CLIP1: variants seen among roughly 807,000 people sequenced by gnomAD.
CLIP1 encodes the protein CAP-Gly domain containing linker protein 1.
A neutral mutation model predicts 161.6 loss-of-function variants in CLIP1; 66 were observed. That is an observed-to-expected ratio of 0.41 (90% CI 0.33 to 0.50). CLIP1 has a LOEUF of 0.50. Among genes scored for constraint, CLIP1 ranks in the 20% least tolerant of loss-of-function variants. The pLI, the probability that CLIP1 is intolerant of heterozygous loss-of-function variation, is 0.27. For synonymous variants in CLIP1, 598 were observed against 626.2 expected (o/e 0.96, Z 0.67); for missense variants, 1,376 against 1,702.0 (o/e 0.81, Z 3.37).
intron 20 of CLIP1, among the ~76,000 whole-genome samples, chr12:122,292,415 T>C (rs1950285451): frequency 6.6e-6 from 1 of 152,216 alleles, no homozygotes; most frequent in Non-Finnish European, 1.5e-5. Context: ...ATTTGGTCAG[T>C]GGGAGCTTCT....
intron 20 of CLIP1, among the ~76,000 whole-genome samples, chr12:122,308,402 T>C (rs369483318): frequency 1.3e-5 from 2 of 152,234 alleles, no homozygotes; most frequent in Non-Finnish European, 2.9e-5. Flanking sequence ...CCAAATGCTG[T>C]AGGTGTTTTA....
rs183051329 is a variant in CLIP1, at chr12:122,299,840, C to T, written c.3594+9922G>A. On this transcript the variant is annotated intron_variant, in intron 20 of 25. Transcript: ENST00000620786. Reference sequence around the variant, plus strand: ...CTGAGGCAGGAGAATGGCGTGAACCCGGGAGGCGGAGCTTGCAGTGAGCTG... The same window carrying T: ...CTGAGGCAGGAGAATGGCGTGAACCTGGGAGGCGGAGCTTGCAGTGAGCTG... 4.1e-3 allele frequency among the ~76,000 whole-genome samples: 615 copies of T among 151,800 alleles called. 3 individuals carry two copies. Among genetic ancestry groups the T allele is most frequent in the African/African-American group, 0.014 (584 of 41,352 alleles).
chr12:122,319,350 T>C lies in CLIP1; in HGVS notation c.3250-2A>G. ...GGCATCTTCCGCTGTTTGAGCAGCC[T>C]AAATACAAGGAAACACTGTGAGAAA... On this transcript the variant is annotated splice_acceptor_variant, in intron 17 of 25. Coordinates refer to ENST00000620786, the MANE Select transcript of CLIP1 (RefSeq NM_001247997.2). LOFTEE classifies it high-confidence loss of function. 1 of 1,608,034 alleles carries C rather than the reference T, an allele frequency of 6.2e-7. No homozygotes were observed. Among genetic ancestry groups the C allele is most frequent in the Non-Finnish European group, 8.5e-7 (1 of 1,174,458 alleles).
At chr12:122,356,643 CGGTCTCCCTCTCCCTCTCTTTCCAT>C (rs1281630763) in intron 5 of CLIP1, among the ~76,000 whole-genome samples, 23 of 152,044 alleles carry the variant, frequency 1.5e-4, no homozygotes, top group Middle Eastern at 3.4e-3. Context: ...CCTCTCCCCA[CGGTCTCCCTCTCCCTCTCTTTCCAT>C]GGTCTCCCTC....
At chr12:122,316,454 C>T (rs1227315784) in intron 19 of CLIP1, among the ~76,000 whole-genome samples, 2 of 152,124 alleles carry the variant, frequency 1.3e-5, no homozygotes, top group Non-Finnish European at 2.9e-5. Flanking sequence ...AAGTGATCTA[C>T]CCACCTCAGC....
At chr12:122,388,471 G>A (rs547957144) in intron 1 of CLIP1, among the ~76,000 whole-genome samples, 2 of 151,922 alleles carry the variant, frequency 1.3e-5, no homozygotes, top group Non-Finnish European at 2.9e-5. Flanking sequence ...TGCCTGCCTC[G>A]GCCTCCTAAA....
chr12:122,349,885 T>G (rs781523957), intron 9 of CLIP1, among the ~76,000 whole-genome samples: 60 of 125,554 alleles, frequency 4.8e-4, no homozygotes, highest in Non-Finnish European at 8.8e-4. Flanking sequence ...TTCAGTCTTG[T>G]GTTTTTTTGT....
At position 122,327,936 on chromosome 12, in the gene CLIP1, G is replaced by A. The variant is rs375073251; in HGVS notation, c.3249+11C>T. 2.8e-5 allele frequency: 45 copies of A among 1,612,526 alleles called. No individual in the cohort carries two copies. The highest frequency in any genetic ancestry group is 2.7e-4 in the Admixed American group (16 of 59,976). ...AGCTACAACACAAGGAAATTCTCTC[G>A]CGTCACGTACTTTGGCTTTGTCGGC... On this transcript the variant is annotated intron_variant, in intron 17 of 25. Transcript: ENST00000620786.
At chr12:122,291,569 T>C (rs1950251860) in intron 20 of CLIP1, among the ~76,000 whole-genome samples, 1 of 152,156 alleles carries the variant, frequency 6.6e-6, no homozygotes, top group South Asian at 2.1e-4. Flanking sequence ...GAACGTCAGT[T>C]TGGATTCGTC....
chr12:122,322,415 T>C (rs902767981), intron 17 of CLIP1: 1 of 152,650 alleles, frequency 6.6e-6, no homozygotes, highest in Admixed American at 6.5e-5. Context: ...CTGAAGGTCA[T>C]CCAGAATCTT....
Position 122,332,974 on chromosome 12 carries a change from C to A in CLIP1, c.2867+13G>T. The A allele has an allele frequency of 1.2e-6, 2 of 1,608,498 alleles. No individual in the cohort carries two copies. The highest frequency in any genetic ancestry group is 2.2e-5 in the South Asian group (2 of 89,826). ...AACCTAAGGTCAGCACTCTTTTCAACAGTCACATATACCTTTCTTTCAGAC... is the reference window on the plus strand; with the variant it reads ...AACCTAAGGTCAGCACTCTTTTCAAAAGTCACATATACCTTTCTTTCAGAC... On this transcript the variant is annotated intron_variant, in intron 15 of 25. Coordinates refer to ENST00000620786, the MANE Select transcript of CLIP1 (RefSeq NM_001247997.2).
chr12:122,291,794 G>A (rs537629097), intron 20 of CLIP1, among the ~76,000 whole-genome samples: 32 of 152,148 alleles, frequency 2.1e-4, no homozygotes, highest in Non-Finnish European at 4.4e-4. Flanking sequence ...ATGTATTTTT[G>A]GGGGATACGT....
At chr12:122,327,738 A>G (rs1168863756) in intron 17 of CLIP1, among the ~76,000 whole-genome samples, 1 of 152,080 alleles carries the variant, frequency 6.6e-6, no homozygotes, top group Non-Finnish European at 1.5e-5. Context: ...ACTGGCAGGA[A>G]ACACCGTCCG....
intron 21 of CLIP1, among the ~76,000 whole-genome samples, chr12:122,288,118 C>T (rs538215981): frequency 8.2e-4 from 124 of 152,088 alleles, no homozygotes; most frequent in Middle Eastern, 3.4e-3. Flanking sequence ...CTGCAACCTC[C>T]GCTTCCCAGG....
chr12:122,415,199 TG>T (rs1194261766), intron 1 of CLIP1, among the ~76,000 whole-genome samples: 1 of 152,102 alleles, frequency 6.6e-6, no homozygotes, highest in Non-Finnish European at 1.5e-5. Flanking sequence ...GATTGAAAAG[TG>T]GCTGGGCGCA....
rs1566198620 is a variant in CLIP1, at chr12:122,379,943, T to TAAAAAAAAAAAAAA, written c.85+424_85+425insTTTTTTTTTTTTTT. On this transcript the variant is annotated intron_variant, in intron 2 of 25. Coordinates refer to ENST00000620786, the MANE Select transcript of CLIP1 (RefSeq NM_001247997.2). Reference sequence around the variant, plus strand: ...TGGGGAATAGAGCAAGACTCCATCTTTAAAAAAAAAAAAAAAAAATGCAAG... The same window carrying TAAAAAAAAAAAAAA: ...TGGGGAATAGAGCAAGACTCCATCTTAAAAAAAAAAAAAATAAAAAAAAAAAAAAAAAATGCAAG... 2.8e-3 allele frequency among the ~76,000 whole-genome samples: 194 copies of TAAAAAAAAAAAAAA among 70,352 alleles called. 18 individuals carry two copies. The highest frequency in any genetic ancestry group is 8.6e-3 in the African/African-American group (161 of 18,686). 46.2% of individuals were successfully genotyped at this position (70,352 alleles called of 152,430 possible).
At position 122,341,011 on chromosome 12, in the gene CLIP1, C is replaced by T. The variant is rs768906273; in HGVS notation, c.2193G>A (p.Thr731=). 7 of 1,614,144 alleles carry T rather than the reference C, an allele frequency of 4.3e-6. No individual in the cohort carries two copies. The highest frequency in any genetic ancestry group is 1.6e-4 in the Middle Eastern group (1 of 6,062). Reference sequence around the variant, plus strand: ...TTTCAGCTTCCTGTAATTTGTTTAACGTGTCTTCCATTTCTACGAGATGCT... The same window carrying T: ...TTTCAGCTTCCTGTAATTTGTTTAATGTGTCTTCCATTTCTACGAGATGCT... ...EDQHLVEMED[T]LNKLQEAEIK... The change falls in exon 11 of 26, where the codon ACG becomes ACA. Residue 731 remains threonine, a synonymous_variant. Transcript: ENST00000620786.
Position 122,377,595 on chromosome 12 carries a change from T to A in CLIP1, c.451A>T (p.Thr151Ser). Reference sequence around the variant, plus strand: ...GAAGACACCATGCTGGCCGTAGAAGTGCACAGCGGTGAAGTAGCTCGGGAG... The same window carrying A: ...GAAGACACCATGCTGGCCGTAGAAGAGCACAGCGGTGAAGTAGCTCGGGAG... ...PASRATSPLC[T>S]STASMVSSSP... Residue 151 changes from threonine to serine, a missense_variant, in exon 3 of 26, where the codon ACT becomes TCT. Coordinates refer to ENST00000620786, the MANE Select transcript of CLIP1 (RefSeq NM_001247997.2). The A allele has an allele frequency of 6.2e-7, 1 of 1,613,936 alleles. No individual in the cohort carries two copies. The highest frequency in any genetic ancestry group is 1.7e-5 in the Admixed American group (1 of 59,942).
intron 19 of CLIP1, among the ~76,000 whole-genome samples, chr12:122,313,430 C>A (rs1951137634): frequency 6.6e-6 from 1 of 152,138 alleles, no homozygotes; most frequent in African/African-American, 2.4e-5. Context: ...GTCACAAAAA[C>A]AATTTATGTC....
Sources: allele counts gnomAD v4.1 joint callset (sites outside exome capture counted in the v4.1 genomes callset), GRCh38; gene constraint gnomAD v4.1.1; transcripts MANE v1.5; gene names NCBI Gene and HGNC (gene_info 2026-07-23, HGNC 2026-07-21).